The following CEP350 variants were observed in gnomAD, a reference collection of about 807,000 sequenced individuals.
CEP350 encodes the protein centrosomal protein 350.
Under a neutral mutation model 331.8 loss-of-function variants are expected in CEP350, and 126 were observed. The observed-to-expected ratio is 0.38, with a 90% CI of 0.33 to 0.44. The LOEUF is 0.44. Ranked by LOEUF, CEP350 falls within the 20% of genes least tolerant of loss-of-function variation. The pLI is 1.00. For synonymous variants in CEP350, 1,200 were observed against 1,259.5 expected (o/e 0.95, Z 1.00); for missense variants, 3,406 against 3,634.6 (o/e 0.94, Z 1.62).
At chr1:180,014,818 G>A (rs1197212913) in intron 10 of CEP350, among the ~76,000 whole-genome samples, 2 of 152,164 alleles carry the variant, frequency 1.3e-5, no homozygotes, top group East Asian at 1.9e-4. Flanking sequence ...TGTGGGGGTT[G>A]GGGTGCCAAC....
chr1:180,037,872 A>G (rs544624136), intron 17 of CEP350, among the ~76,000 whole-genome samples: 2 of 152,150 alleles, frequency 1.3e-5, no homozygotes, highest in East Asian at 3.9e-4. Context: ...GATGGTCTCA[A>G]TCTCCTGACC....
chr1:180,084,906 A>AT (rs556473110), intron 31 of CEP350, among the ~76,000 whole-genome samples: 98 of 150,488 alleles, frequency 6.5e-4, no homozygotes, highest in Non-Finnish European at 1.2e-3. Context: ...AAAGTATTAG[A>AT]TTTTTTTTTT....
At chr1:180,043,459 C>A (rs1656903565) in intron 20 of CEP350, among the ~76,000 whole-genome samples, 1 of 152,092 alleles carries the variant, frequency 6.6e-6, no homozygotes, top group South Asian at 2.1e-4. Flanking sequence ...CTGGGGGTGC[C>A]AGCAGGTCAG....
chr1:180,019,924 A>G (rs775902638), intron 11 of CEP350, 25 bp from the exon 12 acceptor site: 8 of 1,545,780 alleles, frequency 5.2e-6, no homozygotes, highest in South Asian at 3.8e-5. Context: ...TTAGTTAACT[A>G]ACATATTGTG....
At chr1:180,043,905 A>G in intron 20 of CEP350, 146 bp from the exon 21 acceptor site, 1 of 683,604 alleles carries the variant, frequency 1.5e-6, no homozygotes, top group East Asian at 3.2e-5. Context: ...CCTTAGTAAA[A>G]CAGAAGATAT....
Position 180,098,876 on chromosome 1 carries a change from G to T in CEP350, c.9080G>T (p.Ser3027Ile). The T allele has an allele frequency of 6.2e-7, 1 of 1,613,006 alleles. No individual in the cohort carries two copies. Among genetic ancestry groups the T allele is most frequent in the Non-Finnish European group, 8.5e-7 (1 of 1,179,466 alleles). The change falls in exon 37 of 38, where the codon AGT (serine) becomes ATT (isoleucine). Residue 3027 changes from serine (S) to isoleucine (I), a missense_variant. Ser to Ile is a moderately radical substitution (Grantham distance 142). Transcript: ENST00000367607. The part of the protein sequence containing the change: ...NLDEIKSFIA[S>I]EVLKLFSLKK... The stretch of plus-strand genomic sequence containing the variant: ...TTGTTTCCACAGAGCTTCATAGCAA[G>T]TGAAGTACTCAAGTTGTTCAGTCTT...
intron 32 of CEP350, among the ~76,000 whole-genome samples, 169 bp from the exon 33 acceptor site, chr1:180,090,545 C>CAAAAAAAAAAAAAAAAAA (rs36128628): frequency 6.5e-5 from 5 of 77,362 alleles, no homozygotes; most frequent in Admixed American, 1.8e-4. Flanking sequence ...GACTCCGTCT[C>CAAAAAAAAAAAAAAAAAA]AAAAAAAAAA....
chr1:179,997,003 G>A lies in CEP350; in HGVS notation c.846G>A (p.Leu282=), dbSNP rs768822719. ...AGCGGCGACAACATGATGTCAAACT[G>A]GAAAAACTTAAGGAACGGATTAGAA... ...ILKRRQHDVK[L]EKLKERIRKQ... is the part of the protein sequence containing the mutation. The change falls in exon 6 of 38, where the codon CTG becomes CTA. Residue 282 remains leucine (L), a synonymous_variant. Transcript: ENST00000367607. The A allele has an allele frequency of 1.2e-6, 2 of 1,613,984 alleles. No individual in the cohort carries two copies. Among genetic ancestry groups the A allele is most frequent in the Admixed American group, 1.7e-5 (1 of 60,016 alleles).
intron 27 of CEP350, chr1:180,073,720 T>G: frequency 4.0e-6 from 5 of 1,240,358 alleles, no homozygotes; most frequent in Non-Finnish European, 5.3e-6. Context: ...GCTCTTACGC[T>G]TTCCCTTTCT....
chr1:179,959,316 C>T (rs1330851531), intron 1 of CEP350, among the ~76,000 whole-genome samples: 1 of 152,098 alleles, frequency 6.6e-6, no homozygotes, highest in African/African-American at 2.4e-5. Context: ...ACTAGCAAGG[C>T]GTGGTGGCAG....
intron 33 of CEP350, among the ~76,000 whole-genome samples, chr1:180,091,517 A>G (rs993455997): frequency 2.0e-5 from 3 of 152,182 alleles, no homozygotes; most frequent in African/African-American, 7.2e-5. Context: ...CAGTTTAACC[A>G]AAAGAAAGTT....
In CEP350 at chr1:180,020,242, A is replaced by G; in HGVS notation, c.2468A>G (p.Asp823Gly). 1 of 1,614,056 alleles carries G rather than the reference A, an allele frequency of 6.2e-7. No homozygotes were observed. Among genetic ancestry groups the G allele is most frequent in the Non-Finnish European group, 8.5e-7 (1 of 1,179,900 alleles). ...GCCAGCCAATATAAGAGTAAACTGGATCGTATTGAAGCCTTGAAAGCAACA... is the reference window on the plus strand; with the variant it reads ...GCCAGCCAATATAAGAGTAAACTGGGTCGTATTGAAGCCTTGAAAGCAACA... Reference protein sequence around the residue: ...PSASQYKSKLDRIEALKATAA... With the variant: ...PSASQYKSKLGRIEALKATAA... Residue 823 changes from aspartate (D) to glycine (G), a missense_variant, in exon 12 of 38, where the codon GAT (aspartate) becomes GGT (glycine). Transcript: ENST00000367607.
chr1:180,015,787 G>A, intron 10 of CEP350, 62 bp from the exon 11 acceptor site: 4 of 1,548,854 alleles, frequency 2.6e-6, no homozygotes, highest in Non-Finnish European at 3.5e-6. Context: ...GTTTAACTTA[G>A]GTGCTACCTG....
rs368619815 is a variant in CEP350 at position 180,096,147 on chromosome 1, G to A, written c.9029G>A (p.Arg3010Gln). 368 of 1,569,758 alleles carry A rather than the reference G, an allele frequency of 2.3e-4. No individual in the cohort carries two copies. Among genetic ancestry groups the A allele is most frequent in the Non-Finnish European group, 3.1e-4 (355 of 1,155,372 alleles). ...KPCRINSSYF[R>Q]RVKNPNNLDE... is the part of the protein sequence containing the mutation. ...TGTAGAATCAACTCTAGTTATTTCC[G>A]ACGAGTGAAAAATCCAAATAACCTT... Residue 3010 changes from arginine to glutamine, a missense_variant, in exon 36 of 38, where the codon CGA becomes CAA. Coordinates refer to ENST00000367607, the MANE Select transcript of CEP350 (RefSeq NM_014810.5).
At chr1:180,059,450 A>G (rs1190920844) in intron 25 of CEP350, among the ~76,000 whole-genome samples, 1 of 152,202 alleles carries the variant, frequency 6.6e-6, no homozygotes, top group Non-Finnish European at 1.5e-5. Flanking sequence ...TTCATTTAGA[A>G]TGTCCTGATT....
intron 13 of CEP350, among the ~76,000 whole-genome samples, 200 bp from the exon 14 acceptor site, chr1:180,024,219 C>A (rs564617759): frequency 6.6e-6 from 1 of 151,820 alleles, no homozygotes; most frequent in South Asian, 2.1e-4. Flanking sequence ...GTTTCACTTA[C>A]CTTTGATTTT....
At chr1:179,997,998 G>A (rs1009574880) in intron 6 of CEP350, among the ~76,000 whole-genome samples, 4 of 102,262 alleles carry the variant, frequency 3.9e-5, no homozygotes, top group African/African-American at 6.7e-5. Context: ...ATTAGAAAGT[G>A]CTCTTTAGAG....
intron 11 of CEP350, among the ~76,000 whole-genome samples, chr1:180,017,388 G>A (rs187623512): frequency 1.8e-3 from 279 of 152,174 alleles, no homozygotes; most frequent in African/African-American, 6.0e-3. Context: ...TCTAAGTGTC[G>A]TCTCTGGAGA....
intron 22 of CEP350, among the ~76,000 whole-genome samples, chr1:180,052,515 C>T (rs1657576254): frequency 6.6e-6 from 1 of 152,144 alleles, no homozygotes; most frequent in Non-Finnish European, 1.5e-5. Context: ...CAAAGGCACA[C>T]AGGAACCAAA....
Sources: allele counts gnomAD v4.1 joint callset (sites outside exome capture counted in the v4.1 genomes callset), GRCh38; gene constraint gnomAD v4.1.1; transcripts MANE v1.5; gene names NCBI Gene and HGNC (gene_info 2026-07-23, HGNC 2026-07-21).